NRXN1: variants seen among roughly 807,000 people sequenced by gnomAD.
The protein encoded by NRXN1 is neurexin-1.
NRXN1 carries 39 observed loss-of-function variants against 150.9 expected under a neutral mutation model. The observed-to-expected ratio is 0.26, with a 90% CI of 0.20 to 0.34. The LOEUF (loss-of-function observed/expected upper bound fraction) is 0.34, where lower values mean the gene tolerates loss of function less well. Among genes scored for constraint, NRXN1 ranks in the 10% least tolerant of loss-of-function variants. The probability of loss-of-function intolerance (pLI) is 1.00; values close to 1 mark genes in which losing one functional copy is unlikely to be tolerated. For synonymous variants in NRXN1, 924 were observed against 757.0 expected (o/e 1.22, Z -3.62); for missense variants, 1,815 against 1,949.9 (o/e 0.93, Z 1.30).
At chr2:50,663,293 G>A (rs1229066233) in intron 5 of NRXN1, among the ~76,000 whole-genome samples, 1 of 151,924 alleles carries the variant, frequency 6.6e-6, no homozygotes, top group Non-Finnish European at 1.5e-5. Context: ...TCACATCTCT[G>A]TCTTTTAGAT....
intron 5 of NRXN1, among the ~76,000 whole-genome samples, chr2:50,626,806 A>G (rs1321280712): frequency 1.3e-5 from 2 of 151,946 alleles, no homozygotes; most frequent in East Asian, 3.9e-4. Context: ...AAGAAGTTAA[A>G]TAACAATTTT....
At chr2:50,837,369 G>T (rs1672262892) in intron 5 of NRXN1, among the ~76,000 whole-genome samples, 1 of 152,110 alleles carries the variant, frequency 6.6e-6, no homozygotes, top group African/African-American at 2.4e-5. Context: ...GAGCATAATG[G>T]TTTGGGGCAG....
At chr2:50,524,331 T>G (rs1573393905) in intron 12 of NRXN1, among the ~76,000 whole-genome samples, 1 of 151,902 alleles carries the variant, frequency 6.6e-6, no homozygotes, top group African/African-American at 2.4e-5. Flanking sequence ...ATACAAAAAT[T>G]AGCCAGGCAT....
chr2:50,802,155 T>A (rs1707682508), intron 5 of NRXN1, among the ~76,000 whole-genome samples: 1 of 152,142 alleles, frequency 6.6e-6, no homozygotes, highest in East Asian at 1.9e-4. Context: ...AAGGATACAC[T>A]GATGTCCTAA....
chr2:50,898,286 T>C (rs954476159), intron 5 of NRXN1, among the ~76,000 whole-genome samples: 6 of 152,148 alleles, frequency 3.9e-5, no homozygotes, highest in Non-Finnish European at 7.4e-5. Flanking sequence ...CTTGCAGAGA[T>C]TTCCAACACT....
At chr2:50,273,770 A>G (rs977958241) in intron 17 of NRXN1, among the ~76,000 whole-genome samples, 2 of 152,134 alleles carry the variant, frequency 1.3e-5, no homozygotes, top group African/African-American at 4.8e-5. Context: ...AAAACATATG[A>G]AAAAAAGCTC....
Position 50,424,865 on chromosome 2 carries a change from T to C in NRXN1, c.3364+40577A>G, listed in dbSNP as rs564758670. 2.6e-5 allele frequency among the ~76,000 whole-genome samples: 4 copies of C among 151,566 alleles called. No individual in the cohort carries two copies. The East Asian group carries it at 7.7e-4, about 29-fold the overall frequency. ...TACAGATTAATACCAGTAATATCAG[T>C]TATTTCGTATTGCATAATATTTTTC... is the stretch of plus-strand genomic sequence containing the variant. On this transcript the variant is annotated intron_variant, in intron 17 of 22. Coordinates refer to ENST00000401669, the MANE Select transcript of NRXN1 (RefSeq NM_001330078.2).
chr2:50,046,066 C>G (rs1003808085), intron 21 of NRXN1, among the ~76,000 whole-genome samples: 2 of 152,194 alleles, frequency 1.3e-5, no homozygotes, highest in Non-Finnish European at 2.9e-5. Context: ...GAATTACCTT[C>G]TGTGTGTGAC....
chr2:49,973,772 C>T (rs1678395065), intron 21 of NRXN1: 1 of 555,916 alleles, frequency 1.8e-6, no homozygotes, highest in African/African-American at 1.9e-5. Flanking sequence ...AACCTTTCCA[C>T]ATTTCACATA....
At chr2:49,961,163 T>C (rs755506847) in intron 21 of NRXN1, among the ~76,000 whole-genome samples, 1 of 152,056 alleles carries the variant, frequency 6.6e-6, no homozygotes, top group Non-Finnish European at 1.5e-5. Context: ...ATGCCCTACA[T>C]AAAAACATGG....
At chr2:50,419,384 T>C (rs898421181) in intron 17 of NRXN1, among the ~76,000 whole-genome samples, 9 of 152,090 alleles carry the variant, frequency 5.9e-5, no homozygotes, top group African/African-American at 2.2e-4. Flanking sequence ...AATTCATCTC[T>C]GCATCAGCTG....
chr2:50,483,887 G>A (rs963317864), intron 15 of NRXN1, among the ~76,000 whole-genome samples: 2 of 152,154 alleles, frequency 1.3e-5, no homozygotes, highest in Non-Finnish European at 2.9e-5. Context: ...CCCGAATAGT[G>A]TATAGAACAA....
intron 12 of NRXN1, among the ~76,000 whole-genome samples, chr2:50,518,913 A>AG (rs386390164): frequency 0.042 from 150 of 3,608 alleles, no homozygotes; most frequent in African/African-American, 0.32. Flanking sequence ...CATATTAGAG[A>AG]AAAAAACCCT....
intron 18 of NRXN1, among the ~76,000 whole-genome samples, chr2:50,154,146 CT>C (rs996522776): frequency 6.6e-6 from 1 of 151,534 alleles, no homozygotes; most frequent in Non-Finnish European, 1.5e-5. Flanking sequence ...CTGGTGCTTC[CT>C]TTTTTTAGAT....
intron 16 of NRXN1, chr2:50,466,624 A>T (rs2088891771): frequency 2.7e-6 from 1 of 376,932 alleles, no homozygotes; most frequent in Non-Finnish European, 5.2e-6. Flanking sequence ...TATGTAGAGC[A>T]AACAAATTAA....
In NRXN1 at chr2:50,346,570, A is replaced by T; in HGVS notation, c.3365-109600T>A. 1 of 1,064,862 alleles carries T rather than the reference A, an allele frequency of 9.4e-7. No individual in the cohort carries two copies. Among genetic ancestry groups the T allele is most frequent in the Non-Finnish European group, 1.4e-6 (1 of 710,304 alleles). The allele number at this position is 1,064,862 out of a possible 1,614,324, so 66.0% of individuals were successfully genotyped here. A position where few individuals can be genotyped will look rare whatever the true frequency, so the allele number is the denominator to read the frequency against. On this transcript the variant is annotated intron_variant, in intron 17 of 22. Coordinates refer to ENST00000401669, the MANE Select transcript of NRXN1 (RefSeq NM_001330078.2). The surrounding 1 kb of genome is among the most constrained non-coding windows in gnomAD (Gnocchi z 5.0). ...TAAGTGGCTCGCACCAAGCACACCC[A>T]AATGCACCTCCCTTTTGTCGAGCTC... is the stretch of plus-strand genomic sequence containing the variant.
rs80128776 is a variant in NRXN1 at position 50,735,709 on chromosome 2, C to A, written c.833-112094G>T. ...CAATTAGTCCCATACCCAAATGGCTCACAAACACACAACACTCTTTTCTTA... is the reference window on the plus strand; with the variant it reads ...CAATTAGTCCCATACCCAAATGGCTAACAAACACACAACACTCTTTTCTTA... On this transcript the variant is annotated intron_variant, in intron 5 of 22. Coordinates refer to ENST00000401669, the MANE Select transcript of NRXN1 (RefSeq NM_001330078.2). Among the ~76,000 whole-genome samples the A allele has an allele frequency of 1.2e-3, 177 of 152,228 alleles. 1 individual carries two copies. Among genetic ancestry groups the A allele is most frequent in the African/African-American group, 4.2e-3 (175 of 41,518 alleles).
chr2:50,822,784 AAAT>A (rs915960368), intron 5 of NRXN1, among the ~76,000 whole-genome samples: 2 of 152,288 alleles, frequency 1.3e-5, no homozygotes, highest in South Asian at 4.1e-4. Flanking sequence ...TTAATTATGA[AAAT>A]AATAATAATA....
chr2:49,952,799 A>G lies in NRXN1; in HGVS notation c.4129-9008T>C, dbSNP rs564713575. 1.7e-3 allele frequency among the ~76,000 whole-genome samples: 266 copies of G among 152,258 alleles called. 2 individuals are homozygous for G. The highest frequency in any genetic ancestry group is 6.3e-3 in the African/African-American group (261 of 41,578). On this transcript the variant is annotated intron_variant, in intron 21 of 22. Coordinates refer to ENST00000401669, the MANE Select transcript of NRXN1 (RefSeq NM_001330078.2). ...CTCTCTTACTAACTACTGTCTTCAC[A>G]ATGTAAGTGCCAATGAGATATTCAT... is the stretch of plus-strand genomic sequence containing the variant.
Sources: allele counts gnomAD v4.1 joint callset (sites outside exome capture counted in the v4.1 genomes callset), GRCh38; gene constraint gnomAD v4.1.1; non-coding constraint Gnocchi (gnomAD v3.1); transcripts MANE v1.5; gene names NCBI Gene and HGNC (gene_info 2026-07-23, HGNC 2026-07-21).